Variants in PRKCA observed in about 807,000 individuals in gnomAD.
The protein encoded by PRKCA is protein kinase C alpha type.
In PRKCA, 27 loss-of-function variants were observed where a neutral mutation model predicts 87.0. That is an observed-to-expected ratio of 0.31 (90% CI 0.23 to 0.43). The LOEUF is 0.43. Among genes scored for constraint, PRKCA ranks in the 20% least tolerant of loss-of-function variants. The pLI, the probability that PRKCA is intolerant of heterozygous loss-of-function variation, is 1.00. For missense variants in PRKCA, 518 were observed against 852.3 expected (o/e 0.61, Z 4.88); for synonymous variants, 329 against 311.1 (o/e 1.06, Z -0.61).
intron 2 of PRKCA, among the ~76,000 whole-genome samples, chr17:66,368,338 A>ATG (rs10580380): frequency 5.6e-5 from 6 of 106,882 alleles, no homozygotes; most frequent in African/African-American, 1.8e-4. Context: ...GTGTGTATAT[A>ATG]TGTGTGTGTG....
At chr17:66,332,988 G>A (rs1906444401) in intron 2 of PRKCA, among the ~76,000 whole-genome samples, 1 of 152,186 alleles carries the variant, frequency 6.6e-6, no homozygotes, top group Non-Finnish European at 1.5e-5. Flanking sequence ...AACGTGCCTG[G>A]CCGGTTCCTG....
chr17:66,646,296 C>G (rs961937089), intron 5 of PRKCA, among the ~76,000 whole-genome samples: 1 of 152,146 alleles, frequency 6.6e-6, no homozygotes, highest in African/African-American at 2.4e-5. Flanking sequence ...GTTTTCCCAC[C>G]AAATCCACTT....
At chr17:66,642,373 C>G (rs1971323124) in intron 4 of PRKCA, among the ~76,000 whole-genome samples, 1 of 152,142 alleles carries the variant, frequency 6.6e-6, no homozygotes, top group African/African-American at 2.4e-5. Flanking sequence ...TCGTGATCCG[C>G]CCGCCTCGGC....
chr17:66,510,072 C>T (rs1347783171), intron 3 of PRKCA, among the ~76,000 whole-genome samples: 2 of 152,036 alleles, frequency 1.3e-5, no homozygotes, highest in African/African-American at 4.8e-5. Flanking sequence ...GTTTCTATCT[C>T]TAGTGATAAG....
rs139930028 is a variant in PRKCA at position 66,716,551 on chromosome 17, G to T, written c.919-16137G>T. On this transcript the variant is annotated intron_variant, in intron 8 of 16. Transcript: ENST00000413366. The stretch of plus-strand genomic sequence containing the variant: ...GAGATTTAGCAATTGGGGAGAACGC[G>T]GTACAAGGGCAAACCGCCTTTCCAG... Among the ~76,000 whole-genome samples, 3 of 152,180 alleles carry T rather than the reference G, an allele frequency of 2.0e-5. No homozygotes were observed. The East Asian group carries it at 5.8e-4, about 29-fold the overall frequency.
chr17:66,594,296 G>A (rs1256977608), intron 3 of PRKCA, among the ~76,000 whole-genome samples: 1 of 152,130 alleles, frequency 6.6e-6, no homozygotes, highest in Non-Finnish European at 1.5e-5. Context: ...AGCTCTTCCT[G>A]GCATATGTTG....
intron 13 of PRKCA, among the ~76,000 whole-genome samples, chr17:66,773,272 G>C (rs1191593825): frequency 6.6e-6 from 1 of 152,078 alleles, no homozygotes; most frequent in Non-Finnish European, 1.5e-5. Context: ...GTTGGCTCTA[G>C]ATACTATATT....
intron 3 of PRKCA, among the ~76,000 whole-genome samples, chr17:66,579,695 G>T (rs1458672604): frequency 6.6e-6 from 1 of 152,186 alleles, no homozygotes; most frequent in Non-Finnish European, 1.5e-5. Context: ...AGAGGCCTTT[G>T]TGACTGGAAC....
intron 2 of PRKCA, among the ~76,000 whole-genome samples, chr17:66,478,809 A>G (rs1915648361): frequency 6.6e-6 from 1 of 152,204 alleles, no homozygotes. Flanking sequence ...AACAACTTAC[A>G]GTATTTTTAA....
In PRKCA at chr17:66,809,442, G is replaced by A. The variant is rs372043727; in HGVS notation, c.*5405G>A. The A allele has an allele frequency of 6.6e-6, 1 of 152,540 alleles. No individual in the cohort carries two copies. Among genetic ancestry groups the A allele is most frequent in the Admixed American group, 6.5e-5 (1 of 15,278 alleles). The allele number at this position is 152,540 out of a possible 1,614,324, so 9.4% of individuals were successfully genotyped here. ...GAAATTATTTGTTAATTCCAGTAGA[G>A]CAACTGAATATACTGGGCTATTTGT... On this transcript the variant is annotated 3_prime_UTR_variant, in exon 17 of 17. Transcript: ENST00000413366.
At chr17:66,623,752 G>A (rs187967973) in intron 3 of PRKCA, among the ~76,000 whole-genome samples, 31 of 152,200 alleles carry the variant, frequency 2.0e-4, no homozygotes, top group Admixed American at 1.5e-3. Context: ...AGCTCTGGAG[G>A]GCCCCTTTAA....
At position 66,689,999 on chromosome 17, in the gene PRKCA, C is replaced by A. The variant is rs184998854; in HGVS notation, c.918+952C>A. Among the ~76,000 whole-genome samples, 1 of 152,140 alleles carries A rather than the reference C, an allele frequency of 6.6e-6. No homozygotes were observed. The highest frequency in any genetic ancestry group is 1.9e-4 in the East Asian group (1 of 5,182). The stretch of plus-strand genomic sequence containing the variant: ...CTGAAATGTTGACACTAATGGGATG[C>A]TGATGCTCCTCTTTTCCTTCTTCTG... On this transcript the variant is annotated intron_variant, in intron 8 of 16. Transcript: ENST00000413366. This position sits in a 1 kb window ranked among gnomAD's most constrained non-coding sequence, Gnocchi z 4.1.
At chr17:66,361,533 ACTC>A (rs1422072467) in intron 2 of PRKCA, among the ~76,000 whole-genome samples, 8 of 150,976 alleles carry the variant, frequency 5.3e-5, no homozygotes, top group Admixed American at 3.3e-4. Context: ...CTGATCTTGA[ACTC>A]CTGACCTCAA....
chr17:66,393,947 C>T (rs940297698), intron 2 of PRKCA, among the ~76,000 whole-genome samples: 4 of 152,004 alleles, frequency 2.6e-5, no homozygotes, highest in Non-Finnish European at 4.4e-5. Flanking sequence ...TGGTGGCAGA[C>T]GCCTGTAATC....
intron 3 of PRKCA, among the ~76,000 whole-genome samples, chr17:66,531,265 C>T (rs1047715099): frequency 6.6e-6 from 1 of 152,230 alleles, no homozygotes; most frequent in Non-Finnish European, 1.5e-5. Context: ...TAGGGTTCTG[C>T]AGCCTTGGAG....
At chr17:66,469,359 TAAAAAC>T (rs1447803721) in intron 2 of PRKCA, among the ~76,000 whole-genome samples, 1 of 152,174 alleles carries the variant, frequency 6.6e-6, no homozygotes, top group Non-Finnish European at 1.5e-5. Context: ...CTGTGTTTCT[TAAAAAC>T]AAAACAAAAC....
At chr17:66,522,374 C>G (rs896314516) in intron 3 of PRKCA, among the ~76,000 whole-genome samples, 4 of 152,084 alleles carry the variant, frequency 2.6e-5, no homozygotes, top group African/African-American at 9.7e-5. Flanking sequence ...ATGAGTTTAT[C>G]TCAGTTATGC....
At chr17:66,771,430 A>G (rs1388696310) in intron 13 of PRKCA, among the ~76,000 whole-genome samples, 1 of 152,254 alleles carries the variant, frequency 6.6e-6, no homozygotes, top group African/African-American at 2.4e-5. Flanking sequence ...ATGATATATT[A>G]TTAAATAAAC....
At chr17:66,480,398 T>C (rs895256793) in intron 2 of PRKCA, among the ~76,000 whole-genome samples, 1 of 152,182 alleles carries the variant, frequency 6.6e-6, no homozygotes, top group Non-Finnish European at 1.5e-5. Flanking sequence ...TATGGCTTCT[T>C]TTTGAATTGT....
Sources: gnomAD v4.1 joint callset for allele counts (sites outside exome capture counted in the v4.1 genomes callset) on GRCh38, gnomAD v4.1.1 for gene constraint, Gnocchi (gnomAD v3.1) non-coding constraint, MANE v1.5 for transcripts, NCBI Gene and HGNC (gene_info 2026-07-23, HGNC 2026-07-21) for gene names.